ESRRG: variants seen among roughly 807,000 people sequenced by gnomAD.
The protein encoded by ESRRG is estrogen-related receptor gamma.
ESRRG carries 13 observed loss-of-function variants against 44.0 expected under a neutral mutation model. The observed-to-expected ratio is 0.30, with a 90% CI of 0.19 to 0.47. The LOEUF (loss-of-function observed/expected upper bound fraction) is 0.47. ESRRG is among the 20% of genes least tolerant of loss of function. The pLI is 1.00. For synonymous variants in ESRRG, 215 were observed against 214.6 expected, an observed-to-expected ratio of 1.00 and a Z score of -0.02; for missense variants, 395 against 580.6, an observed-to-expected ratio of 0.68 and a Z score of 3.29.
At chr1:216,661,661 T>G (rs573408340) in intron 2 of ESRRG, among the ~76,000 whole-genome samples, 1 of 152,296 alleles carries the variant, frequency 6.6e-6, no homozygotes, top group East Asian at 1.9e-4. Flanking sequence ...CCCTTCTACC[T>G]TAAACAAGTA....
At chr1:216,918,285 G>A (rs1191420764) in intron 2 of ESRRG, among the ~76,000 whole-genome samples, 1 of 151,922 alleles carries the variant, frequency 6.6e-6, no homozygotes, top group African/African-American at 2.4e-5. Context: ...ATGTGCTAAT[G>A]AATGGAATCA....
At chr1:216,649,266 T>C (rs1035017925) in intron 3 of ESRRG, among the ~76,000 whole-genome samples, 1 of 152,106 alleles carries the variant, frequency 6.6e-6, no homozygotes, top group African/African-American at 2.4e-5. Flanking sequence ...TTAGTACATA[T>C]TCAGCAAAAG....
intron 1 of ESRRG, among the ~76,000 whole-genome samples, chr1:217,002,397 G>A (rs1485431514): frequency 6.6e-6 from 1 of 151,542 alleles, no homozygotes; most frequent in African/African-American, 2.4e-5. Context: ...TTTATTTTAG[G>A]GCAGATCCGT....
intron 5 of ESRRG, among the ~76,000 whole-genome samples, chr1:216,537,862 G>C (rs1300591712): frequency 3.9e-5 from 6 of 152,044 alleles, no homozygotes; most frequent in African/African-American, 1.4e-4. Flanking sequence ...TGCCATTTGA[G>C]AACTTAGAAT....
chr1:216,987,348 G>A (rs961819245), intron 1 of ESRRG, among the ~76,000 whole-genome samples: 33 of 152,200 alleles, frequency 2.2e-4, no homozygotes, highest in Non-Finnish European at 4.4e-4. Context: ...CAATGCTAGT[G>A]GCACCAGGGA....
chr1:216,549,048 A>C (rs1268583186), intron 5 of ESRRG, among the ~76,000 whole-genome samples: 1 of 152,198 alleles, frequency 6.6e-6, no homozygotes, highest in Non-Finnish European at 1.5e-5. Flanking sequence ...CAAATCTGTC[A>C]AGACAAACTA....
chr1:216,947,889 C>T (rs2150039438), intron 1 of ESRRG, among the ~76,000 whole-genome samples: 1 of 152,168 alleles, frequency 6.6e-6, no homozygotes, highest in South Asian at 2.1e-4. Context: ...GTGACAGGAG[C>T]CTCCCCATAC....
At chr1:216,951,579 G>T (rs2066951822) in intron 1 of ESRRG, among the ~76,000 whole-genome samples, 1 of 151,972 alleles carries the variant, frequency 6.6e-6, no homozygotes, top group African/African-American at 2.4e-5. Flanking sequence ...ATCACAAAAT[G>T]CTACTAATTT....
At chr1:217,062,469 C>G (rs1378290901) in intron 1 of ESRRG, among the ~76,000 whole-genome samples, 2 of 152,138 alleles carry the variant, frequency 1.3e-5, no homozygotes, top group Non-Finnish European at 2.9e-5. Flanking sequence ...GTAATCCTGT[C>G]TCTTTACATT....
At chr1:216,782,326 T>A in intron 2 of ESRRG, among the ~76,000 whole-genome samples, 1 of 152,050 alleles carries the variant, frequency 6.6e-6, no homozygotes, top group East Asian at 1.9e-4. Context: ...AGTAATGGCA[T>A]GATTCCTTCC....
intron 2 of ESRRG, among the ~76,000 whole-genome samples, chr1:216,868,557 T>G (rs764764343): frequency 1.6e-4 from 25 of 152,204 alleles, no homozygotes; most frequent in Admixed American, 1.3e-4. Flanking sequence ...TGATCATCCA[T>G]TTTTTATTTC....
chr1:216,988,785 T>C (rs2150483981), intron 1 of ESRRG, among the ~76,000 whole-genome samples: 1 of 152,342 alleles, frequency 6.6e-6, no homozygotes, highest in South Asian at 2.1e-4. Context: ...TGGACACTTC[T>C]GGGCTTTCTT....
chr1:216,869,037 A>G (rs2096218868), intron 2 of ESRRG, among the ~76,000 whole-genome samples: 1 of 152,176 alleles, frequency 6.6e-6, no homozygotes, highest in Non-Finnish European at 1.5e-5. Flanking sequence ...TTTTCTTAAT[A>G]GTGAGAGTGC....
intron 1 of ESRRG, among the ~76,000 whole-genome samples, chr1:216,706,040 C>T (rs558073428): frequency 1.2e-4 from 18 of 152,252 alleles, no homozygotes; most frequent in African/African-American, 4.1e-4. Context: ...TTACCAGCTG[C>T]CCTCTTCCTC....
At chr1:216,880,724 G>C (rs1264559948) in intron 2 of ESRRG, among the ~76,000 whole-genome samples, 3 of 152,044 alleles carry the variant, frequency 2.0e-5, no homozygotes, top group Admixed American at 6.6e-5. Flanking sequence ...ATCTGTAACA[G>C]TAAAACACTA....
intron 1 of ESRRG, among the ~76,000 whole-genome samples, chr1:217,133,793 G>C (rs1201099911): frequency 6.6e-6 from 1 of 151,672 alleles, no homozygotes; most frequent in Non-Finnish European, 1.5e-5. Flanking sequence ...AGGGCCTAGG[G>C]CAAAGATCAA....
chr1:216,511,918 T>A (rs889946023), intron 6 of ESRRG, among the ~76,000 whole-genome samples: 3 of 152,156 alleles, frequency 2.0e-5, no homozygotes, highest in Admixed American at 2.0e-4. Flanking sequence ...TATAATTTTT[T>A]TCAATAGGAC....
intron 1 of ESRRG, among the ~76,000 whole-genome samples, chr1:216,952,576 C>CATAGTTTATTCTTGGCAA (rs2067162318): frequency 6.6e-6 from 1 of 152,098 alleles, no homozygotes; most frequent in Non-Finnish European, 1.5e-5. Context: ...ATGAAACAGA[C>CATAGTTTATTCTTGGCAA]ACAAAATTTA....
At chr1:216,954,247 A>C (rs1472965782) in intron 1 of ESRRG, among the ~76,000 whole-genome samples, 1 of 152,144 alleles carries the variant, frequency 6.6e-6, no homozygotes. Flanking sequence ...TGCTATAAGT[A>C]ATAACTCAAC....
Sources: allele counts gnomAD v4.1 joint callset (sites outside exome capture counted in the v4.1 genomes callset), GRCh38; gene constraint gnomAD v4.1.1; transcripts MANE v1.5; gene names NCBI Gene and HGNC (gene_info 2026-07-23, HGNC 2026-07-21).